Variants in POLR3E observed in about 807,000 individuals in gnomAD.
POLR3E encodes the protein RNA polymerase III subunit E.
Under a neutral mutation model 96.6 loss-of-function variants are expected in POLR3E, and 41 were observed. The observed-to-expected ratio is 0.42, with a 90% CI of 0.33 to 0.55. The LOEUF (loss-of-function observed/expected upper bound fraction) is 0.55. Ranked by LOEUF, POLR3E falls within the 20% of genes least tolerant of loss-of-function variation. POLR3E has a pLI of 0.06. For missense variants in POLR3E, 849 were observed against 952.1 expected (o/e 0.89, Z 1.43); for synonymous variants, 396 against 383.6 (o/e 1.03, Z -0.38).
intron 1 of POLR3E, chr16:22,302,595 C>T: frequency 4.3e-6 from 1 of 233,796 alleles, no homozygotes; most frequent in Non-Finnish European, 8.4e-6. Context: ...CTGGGACCAG[C>T]CAACCTCTAT....
At position 22,309,529 on chromosome 16, in the gene POLR3E, C is replaced by T. The variant is rs200861303; in HGVS notation, c.364+19C>T. The T allele has an allele frequency of 4.4e-6, 7 of 1,588,626 alleles. No individual in the cohort carries two copies. The Admixed American group carries it at 6.7e-5, about 15-fold the overall frequency. ...AGGCAAGGTACCCGGGGCTGGGTGT[C>T]CCGCGGTGGGGACATGGCATTGGGG... On this transcript the variant is annotated intron_variant, in intron 6 of 20. Coordinates refer to ENST00000299853, the MANE Select transcript of POLR3E (RefSeq NM_018119.4).
chr16:22,319,623 T>A (rs1178099740), intron 13 of POLR3E, among the ~76,000 whole-genome samples: 2 of 152,076 alleles, frequency 1.3e-5, no homozygotes, highest in Admixed American at 1.3e-4. Flanking sequence ...ATGGTCTCCA[T>A]CTCCTGACCT....
chr16:22,333,686 A>C lies in POLR3E; in HGVS notation c.2113A>C (p.Thr705Pro). The C allele has an allele frequency of 6.2e-7, 1 of 1,609,600 alleles. No homozygotes were observed. Among genetic ancestry groups the C allele is most frequent in the Non-Finnish European group, 8.5e-7 (1 of 1,175,884 alleles). ...TGGTGGCATGTGGTACCTTAAAGGG[A>C]CAGTACAGTCTTGACAATAGTAGCA... ...SYGGMWYLKG[T>P]VQS The change falls in exon 21 of 21, where the codon ACA (threonine) becomes CCA (proline). Residue 705 changes from threonine (T) to proline (P), a missense_variant. Physicochemically the swap from Thr to Pro is conservative, Grantham distance 38. Transcript: ENST00000299853.
At chr16:22,324,803 G>A (rs2048544657) in intron 16 of POLR3E, 143 bp downstream of exon 16, 2 of 859,134 alleles carry the variant, frequency 2.3e-6, no homozygotes, top group South Asian at 1.5e-5. Context: ...GGGTGTGAAG[G>A]GCAGGTGGGG....
intron 20 of POLR3E, among the ~76,000 whole-genome samples, chr16:22,333,024 G>C (rs1318114760): frequency 7.8e-6 from 1 of 127,546 alleles, no homozygotes; most frequent in African/African-American, 3.1e-5. Flanking sequence ...GCCCAGGCTA[G>C]AGTGCAGTAG....
chr16:22,328,686 A>AT, intron 19 of POLR3E, 99 bp downstream of exon 19: 1 of 934,368 alleles, frequency 1.1e-6, no homozygotes, highest in East Asian at 2.4e-5. Context: ...GCAGCCACAC[A>AT]TTTCAGATTT....
chr16:22,306,129 C>T (rs186119421), intron 3 of POLR3E, among the ~76,000 whole-genome samples: 2 of 152,296 alleles, frequency 1.3e-5, no homozygotes, highest in East Asian at 1.9e-4. Flanking sequence ...TTGCCTATTC[C>T]GGACTTTTCA....
At chr16:22,307,071 G>C (rs1852231511) in intron 3 of POLR3E, among the ~76,000 whole-genome samples, 3 of 152,224 alleles carry the variant, frequency 2.0e-5, no homozygotes, top group Non-Finnish European at 4.4e-5. Flanking sequence ...CGTGTGTCCA[G>C]AGTTCCAAAC....
chr16:22,310,913 C>G (rs927544347), intron 6 of POLR3E, among the ~76,000 whole-genome samples: 1 of 152,134 alleles, frequency 6.6e-6, no homozygotes, highest in African/African-American at 2.4e-5. Flanking sequence ...TAGAGCAAGA[C>G]TCTGTCTTGA....
chr16:22,309,295 C>T (rs1045033311), intron 5 of POLR3E, 133 bp from the exon 6 acceptor site: 17 of 781,916 alleles, frequency 2.2e-5, no homozygotes, highest in African/African-American at 6.7e-5. Context: ...CTGAGACCCG[C>T]GTAGGCTGCC....
In POLR3E at chr16:22,334,517, A is replaced by G. The variant is rs1299082574; in HGVS notation, c.*817A>G. On this transcript the variant is annotated 3_prime_UTR_variant, in exon 21 of 21. Coordinates refer to ENST00000299853, the MANE Select transcript of POLR3E (RefSeq NM_018119.4). ...TCAGCGTTACGTGTATCTAGAGGGA[A>G]CGGAGCTAATGGAGGAAGACAGAGC... 6.6e-6 allele frequency: 1 copy of G among 152,242 alleles called. No homozygotes were observed. Among genetic ancestry groups the G allele is most frequent in the African/African-American group, 2.4e-5 (1 of 41,464 alleles). The allele number at this position is 152,242 out of a possible 1,614,324, so 9.4% of individuals were successfully genotyped here.
intron 9 of POLR3E, among the ~76,000 whole-genome samples, chr16:22,316,191 C>T (rs1193265459): frequency 6.6e-5 from 10 of 152,176 alleles, no homozygotes. Flanking sequence ...GGCATGTTAG[C>T]TAACCTCTCT....
intron 13 of POLR3E, among the ~76,000 whole-genome samples, chr16:22,320,848 G>C (rs2048459070): frequency 6.6e-6 from 1 of 152,122 alleles, no homozygotes; most frequent in Non-Finnish European, 1.5e-5. Flanking sequence ...GCGTTGATAT[G>C]ATTTTGTTGT....
chr16:22,300,643 A>G lies in POLR3E; in HGVS notation c.-38-2288A>G, dbSNP rs2048001656. The stretch of plus-strand genomic sequence containing the variant: ...GGTGAGGCCTTGGGCTCTCCGCTCT[A>G]CACTGCCCTCTGTCTGCACAGCAGA... On this transcript the variant is annotated intron_variant, in intron 1 of 20. Transcript: ENST00000299853. 3.3e-5 allele frequency among the ~76,000 whole-genome samples: 5 copies of G among 152,324 alleles called. No individual in the cohort carries two copies. In the South Asian group the frequency reaches 1.0e-3, roughly 32 times the overall value.
At chr16:22,321,620 T>C (rs1195138038) in intron 13 of POLR3E, among the ~76,000 whole-genome samples, 1 of 152,240 alleles carries the variant, frequency 6.6e-6, no homozygotes, top group East Asian at 1.9e-4. Context: ...CAGAGAGGCA[T>C]GGGACTTGCC....
intron 8 of POLR3E, 39 bp from the exon 9 acceptor site, chr16:22,315,050 C>G (rs1203197685): frequency 1.2e-6 from 2 of 1,607,012 alleles, no homozygotes; most frequent in Non-Finnish European, 1.7e-6. Flanking sequence ...GCAAGGGTCA[C>G]AGGCCTGACG....
At chr16:22,314,414 G>A (rs922755614) in intron 8 of POLR3E, among the ~76,000 whole-genome samples, 1 of 152,196 alleles carries the variant, frequency 6.6e-6, no homozygotes, top group Admixed American at 6.5e-5. Context: ...GCTCTGCCAT[G>A]AACCTGTATC....
Position 22,326,235 on chromosome 16 carries a change from A to T in POLR3E, c.1823A>T (p.Gln608Leu). ...AGCGGCATCTCGGACCGCATGCTAC[A>T]GGACACGGTGCTGGCCGCCGGTTGC... ...LFSGISDRML[Q>L]DTVLAAGCKQ... Residue 608 changes from glutamine to leucine, a missense_variant, in exon 18 of 21, where the codon CAG (glutamine) becomes CTG (leucine). Coordinates refer to ENST00000299853, the MANE Select transcript of POLR3E (RefSeq NM_018119.4). 6.3e-7 allele frequency: 1 copy of T among 1,592,634 alleles called. No individual in the cohort carries two copies. The highest frequency in any genetic ancestry group is 8.6e-7 in the Non-Finnish European group (1 of 1,167,304).
chr16:22,314,943 C>T (rs574439324), intron 8 of POLR3E, 146 bp from the exon 9 acceptor site: 232 of 777,804 alleles, frequency 3.0e-4, no homozygotes, highest in South Asian at 5.7e-4. Flanking sequence ...ACGGTTGGAA[C>T]GGAATTTAAA....
Sources: gnomAD v4.1 joint callset for allele counts (sites outside exome capture counted in the v4.1 genomes callset) on GRCh38, gnomAD v4.1.1 for gene constraint, MANE v1.5 for transcripts, NCBI Gene and HGNC (gene_info 2026-07-23, HGNC 2026-07-21) for gene names.